Variants in RALYL observed in about 807,000 individuals in gnomAD.
RALYL encodes the protein RNA-binding Raly-like protein.
RALYL carries 29 observed loss-of-function variants against 35.1 expected under a neutral mutation model. The ratio of observed to expected loss-of-function variants is 0.83; its 90% CI spans 0.61 to 1.13. The LOEUF is 1.13. Ranked by LOEUF, RALYL falls within the 50% of genes most tolerant of loss-of-function variation. The pLI, the probability that RALYL is intolerant of heterozygous loss-of-function variation, is 0.00. For missense variants in RALYL, 359 were observed against 360.4 expected, an observed-to-expected ratio of 1.00 and a Z score of 0.03; for synonymous variants, 120 against 127.6, an observed-to-expected ratio of 0.94 and a Z score of 0.40.
intron 1 of RALYL, among the ~76,000 whole-genome samples, chr8:84,521,241 G>C (rs1188035667): frequency 2.0e-5 from 3 of 152,160 alleles, no homozygotes; most frequent in Non-Finnish European, 4.4e-5. Flanking sequence ...ACAGTGATAA[G>C]GCAGTTATCT....
At chr8:84,564,889 A>T (rs904180039) in intron 2 of RALYL, among the ~76,000 whole-genome samples, 1 of 151,696 alleles carries the variant, frequency 6.6e-6, no homozygotes, top group African/African-American at 2.4e-5. Flanking sequence ...AAATAAGTTC[A>T]TAAAAAGCTC....
At chr8:84,898,103 C>A (rs1845061399) in intron 8 of RALYL, among the ~76,000 whole-genome samples, 1 of 152,148 alleles carries the variant, frequency 6.6e-6, no homozygotes, top group Non-Finnish European at 1.5e-5. Flanking sequence ...GGGGAAGTTG[C>A]CAGTTTAGTT....
intron 2 of RALYL, among the ~76,000 whole-genome samples, chr8:84,570,175 G>C (rs925349800): frequency 6.6e-6 from 1 of 151,878 alleles, no homozygotes; most frequent in Non-Finnish European, 1.5e-5. Context: ...GTGGCCTTGG[G>C]CAGTATAATC....
chr8:84,793,074 G>A (rs950965447), intron 3 of RALYL, among the ~76,000 whole-genome samples: 6 of 152,176 alleles, frequency 3.9e-5, no homozygotes, highest in African/African-American at 1.4e-4. Context: ...GGTGGGTGGT[G>A]AGTAAAGATA....
chr8:84,240,551 A>C (rs927731173), intron 1 of RALYL, among the ~76,000 whole-genome samples: 4 of 152,202 alleles, frequency 2.6e-5, no homozygotes, highest in Non-Finnish European at 4.4e-5. Flanking sequence ...TCACAAGGTG[A>C]AATATGTGAA....
intron 5 of RALYL, among the ~76,000 whole-genome samples, chr8:84,850,334 A>T (rs1455477724): frequency 6.6e-6 from 1 of 152,198 alleles, no homozygotes; most frequent in Non-Finnish European, 1.5e-5. Context: ...GTTGATTTAG[A>T]ATCCTTCAAG....
In RALYL at chr8:84,212,717, A is replaced by T. The variant is rs370185335; in HGVS notation, c.-24+28293A>T. 2.0e-5 allele frequency among the ~76,000 whole-genome samples: 3 copies of T among 152,266 alleles called. No homozygotes were observed. The East Asian group carries it at 5.8e-4, about 29-fold the overall frequency. ...CTTTCCATTGAAAAACAAGACTGAT[A>T]ATTTCAATATTTCCCTAAAAATATG... On this transcript the variant is annotated intron_variant, in intron 1 of 8. Coordinates refer to ENST00000521268, the MANE Select transcript of RALYL (RefSeq NM_173848.7).
At chr8:84,246,374 T>C (rs1368541373) in intron 1 of RALYL, among the ~76,000 whole-genome samples, 2 of 152,092 alleles carry the variant, frequency 1.3e-5, no homozygotes, top group Non-Finnish European at 2.9e-5. Context: ...AAAACAAATA[T>C]ATGACAACAA....
At chr8:84,726,300 TTATA>T (rs1442445638) in intron 2 of RALYL, among the ~76,000 whole-genome samples, 1 of 146,744 alleles carries the variant, frequency 6.8e-6, no homozygotes, top group African/African-American at 2.5e-5. Flanking sequence ...AAAAATAAAA[TTATA>T]TATATTTATA....
chr8:84,705,871 T>C (rs1841113680), intron 2 of RALYL: 1 of 1,422,094 alleles, frequency 7.0e-7, no homozygotes, highest in Admixed American at 2.9e-5. Flanking sequence ...CCCTGTAATT[T>C]TATGAGAATG....
intron 1 of RALYL, among the ~76,000 whole-genome samples, chr8:84,490,463 GGTT>G (rs1322108090): frequency 3.9e-5 from 6 of 151,948 alleles, no homozygotes; most frequent in African/African-American, 1.4e-4. Flanking sequence ...AAGCATCTTC[GGTT>G]GTTATTTTAA....
At chr8:84,565,710 T>C (rs1004617975) in intron 2 of RALYL, among the ~76,000 whole-genome samples, 1 of 151,592 alleles carries the variant, frequency 6.6e-6, no homozygotes, top group Non-Finnish European at 1.5e-5. Flanking sequence ...TTGATTGTGA[T>C]GAAGTGCCAA....
chr8:84,452,828 A>G (rs1388085701), intron 1 of RALYL, among the ~76,000 whole-genome samples: 1 of 152,012 alleles, frequency 6.6e-6, no homozygotes, highest in Non-Finnish European at 1.5e-5. Flanking sequence ...AAAGAAAGTC[A>G]AAGCCTTTAT....
chr8:84,641,656 G>A (rs889132149), intron 2 of RALYL, among the ~76,000 whole-genome samples: 1 of 151,598 alleles, frequency 6.6e-6, no homozygotes, highest in Non-Finnish European at 1.5e-5. Context: ...TTATTTCCCT[G>A]TTAACCATTT....
chr8:84,851,577 C>T (rs1471398861), intron 5 of RALYL, among the ~76,000 whole-genome samples: 1 of 152,064 alleles, frequency 6.6e-6, no homozygotes, highest in Non-Finnish European at 1.5e-5. Flanking sequence ...AAAATGCAAA[C>T]TTAGAAAAAA....
intron 6 of RALYL, among the ~76,000 whole-genome samples, chr8:84,867,434 C>T (rs1045877768): frequency 6.6e-6 from 1 of 152,068 alleles, no homozygotes; most frequent in Non-Finnish European, 1.5e-5. Context: ...ACTATTTTTG[C>T]TTTTTGCATT....
chr8:84,816,999 C>T (rs1827470915), intron 4 of RALYL, among the ~76,000 whole-genome samples: 1 of 152,040 alleles, frequency 6.6e-6, no homozygotes, highest in Non-Finnish European at 1.5e-5. Context: ...TTATATTTAT[C>T]TCTATTGAAG....
At chr8:84,621,619 C>T (rs2131085551) in intron 2 of RALYL, among the ~76,000 whole-genome samples, 1 of 152,312 alleles carries the variant, frequency 6.6e-6, no homozygotes, top group East Asian at 1.9e-4. Context: ...CTTGGCTCCT[C>T]CCCCGACTAT....
intron 2 of RALYL, among the ~76,000 whole-genome samples, chr8:84,733,369 A>C (rs1846601024): frequency 6.6e-6 from 1 of 152,216 alleles, no homozygotes; most frequent in African/African-American, 2.4e-5. Context: ...GTTAAAAAAT[A>C]AAACTAGATG....
Sources: gnomAD v4.1 joint callset for allele counts (sites outside exome capture counted in the v4.1 genomes callset) on GRCh38, gnomAD v4.1.1 for gene constraint, MANE v1.5 for transcripts, NCBI Gene and HGNC (gene_info 2026-07-23, HGNC 2026-07-21) for gene names.